Variants in RIC8B observed in about 807,000 individuals in gnomAD.
The protein encoded by RIC8B is RIC8 guanine nucleotide exchange factor B.
A neutral mutation model predicts 57.5 loss-of-function variants in RIC8B; 16 were observed. That is an observed-to-expected ratio of 0.28 (90% CI 0.19 to 0.42). The LOEUF (loss-of-function observed/expected upper bound fraction) is 0.42. Among genes scored for constraint, RIC8B ranks in the 10% least tolerant of loss-of-function variants. The pLI is 1.00. For missense variants in RIC8B, 481 were observed against 677.0 expected, an observed-to-expected ratio of 0.71 and a Z score of 3.21; for synonymous variants, 216 against 250.8, an observed-to-expected ratio of 0.86 and a Z score of 1.31.
chr12:106,822,995 A>G (rs1260731951), intron 3 of RIC8B: 1 of 153,558 alleles, frequency 6.5e-6, no homozygotes, highest in Non-Finnish European at 1.5e-5. Flanking sequence ...TGGGATTCTT[A>G]ATCTTGGCAT....
At chr12:106,860,545 G>T in intron 8 of RIC8B, 133 bp downstream of exon 8, 1 of 679,832 alleles carries the variant, frequency 1.5e-6, no homozygotes, top group Non-Finnish European at 2.3e-6. Context: ...TGTTTTTAGA[G>T]GCAGTTTCAT....
chr12:106,813,184 T>C (rs1203764580), intron 2 of RIC8B, among the ~76,000 whole-genome samples: 1 of 145,602 alleles, frequency 6.9e-6, no homozygotes, highest in East Asian at 2.0e-4. Flanking sequence ...GCAAATACTA[T>C]GCCTTTTTTT....
chr12:106,787,473 C>T (rs1299778028), intron 2 of RIC8B, among the ~76,000 whole-genome samples: 1 of 152,150 alleles, frequency 6.6e-6, no homozygotes, highest in Non-Finnish European at 1.5e-5. Flanking sequence ...AAAAGGAAGT[C>T]ACATTACTGC....
chr12:106,881,725 C>G (rs1228536397), intron 9 of RIC8B, among the ~76,000 whole-genome samples: 1 of 152,066 alleles, frequency 6.6e-6, no homozygotes, highest in African/African-American at 2.4e-5. Flanking sequence ...ATTTACCAAG[C>G]CTTTTAGGAG....
Position 106,843,847 on chromosome 12 carries a change from T to TA in RIC8B, c.1066-4dup. On this transcript the variant is annotated splice_region_variant and splice_polypyrimidine_tract_variant and intron_variant, in intron 5 of 9. Coordinates refer to ENST00000392837, the MANE Select transcript of RIC8B (RefSeq NM_001330145.2). ...TTCAAAAACATATGGTTTTTTTTTT[T>TA]ATAGGGAAGCAGCTATAGAGAGGGT... The TA allele has an allele frequency of 1.9e-6, 3 of 1,590,772 alleles. No homozygotes were observed. Among genetic ancestry groups the TA allele is most frequent in the South Asian group, 2.3e-5 (2 of 87,998 alleles).
At chr12:106,834,848 G>A (rs2046516262) in intron 4 of RIC8B, among the ~76,000 whole-genome samples, 1 of 151,746 alleles carries the variant, frequency 6.6e-6, no homozygotes, top group Non-Finnish European at 1.5e-5. Context: ...GCCAGGTGTG[G>A]TGGCGGGTGC....
At position 106,784,075 on chromosome 12, in the gene RIC8B, A is replaced by ATG. The variant is rs111989970; in HGVS notation, c.132+41_132+42dup. ...CCTTGGTGTTGCTCTGTGAATGTTTATGTGTGTGTGTATTGCATTCATGGA... is the reference window on the plus strand; with the variant it reads ...CCTTGGTGTTGCTCTGTGAATGTTTATGTGTGTGTGTGTATTGCATTCATGGA... On this transcript the variant is annotated intron_variant, in intron 2 of 9. Coordinates refer to ENST00000392837, the MANE Select transcript of RIC8B (RefSeq NM_001330145.2). 4,212 of 1,590,248 alleles carry ATG rather than the reference A, an allele frequency of 2.6e-3. 109 individuals are homozygous for ATG. In the African/African-American group the frequency reaches 0.048, roughly 18 times the overall value.
At position 106,886,030 on chromosome 12, in the gene RIC8B, C is replaced by G. The variant is rs915785758; in HGVS notation, c.*15C>G. 1 of 1,525,564 alleles carries G rather than the reference C, an allele frequency of 6.6e-7. No homozygotes were observed. The highest frequency in any genetic ancestry group is 9.1e-7 in the Non-Finnish European group (1 of 1,099,784). 94.5% of individuals were successfully genotyped at this position (1,525,564 alleles called of 1,614,324 possible). A position where few individuals can be genotyped will look rare whatever the true frequency, so the allele number is the denominator to read the frequency against. ...ACACAGACTAAAAGCATCACCTGCT[C>G]AACTCTCAATATTGCTTTATCAGCA... On this transcript the variant is annotated 3_prime_UTR_variant, in exon 10 of 10. Coordinates refer to ENST00000392837, the MANE Select transcript of RIC8B (RefSeq NM_001330145.2).
At chr12:106,794,985 A>G (rs921416413) in intron 2 of RIC8B, among the ~76,000 whole-genome samples, 2 of 152,226 alleles carry the variant, frequency 1.3e-5, no homozygotes, top group Non-Finnish European at 2.9e-5. Flanking sequence ...GAAATGTAAT[A>G]CACTTGCCAA....
At chr12:106,846,174 C>G (rs954421542) in intron 6 of RIC8B, among the ~76,000 whole-genome samples, 3 of 152,156 alleles carry the variant, frequency 2.0e-5, no homozygotes, top group Non-Finnish European at 2.9e-5. Flanking sequence ...ATACAGTGAA[C>G]TGCCGACTCA....
intron 4 of RIC8B, 93 bp from the exon 5 acceptor site, chr12:106,842,496 C>G: frequency 2.0e-6 from 2 of 1,007,090 alleles, no homozygotes; most frequent in Non-Finnish European, 2.9e-6. Context: ...TTAATTGACT[C>G]TTAAAAGTCA....
Position 106,814,846 on chromosome 12 carries a change from C to A in RIC8B, c.283C>A (p.Leu95Ile). 6.2e-7 allele frequency: 1 copy of A among 1,614,230 alleles called. No individual in the cohort carries two copies. Among genetic ancestry groups the A allele is most frequent in the Non-Finnish European group, 8.5e-7 (1 of 1,180,040 alleles). ...TKENMQILLRLAKLNELDDSL... is the reference protein window; with the variant it reads ...TKENMQILLRIAKLNELDDSL... ...GGAAAATATGCAGATACTGCTGCGA[C>A]TAGCCAAGCTAAATGAGTTAGATGA... Residue 95 changes from leucine to isoleucine, a missense_variant, in exon 3 of 10, where the codon CTA (leucine) becomes ATA (isoleucine). Leu to Ile is a conservative substitution (Grantham distance 5, BLOSUM62 2). Around this residue, in one of 3 missense-constraint regions of RIC8B, gnomAD observed 421 missense variants for 560.9 expected, o/e 0.75. Coordinates refer to ENST00000392837, the MANE Select transcript of RIC8B (RefSeq NM_001330145.2).
intron 4 of RIC8B, among the ~76,000 whole-genome samples, chr12:106,832,240 A>G (rs544907717): frequency 2.0e-5 from 3 of 152,238 alleles, no homozygotes; most frequent in Admixed American, 6.5e-5. Context: ...GGTACTTATC[A>G]CTAACTGAAA....
rs773775846 is a variant in RIC8B at position 106,774,912 on chromosome 12, C to T, written c.84+83C>T. 2.3e-5 allele frequency: 24 copies of T among 1,043,230 alleles called. 1 individual carries two copies. The South Asian group carries it at 2.9e-4, about 12-fold the overall frequency. 64.6% of individuals were successfully genotyped at this position (1,043,230 alleles called of 1,614,324 possible). On this transcript the variant is annotated intron_variant, in intron 1 of 9. Transcript: ENST00000392837. ...TGCACATCGCATCCTTCCCCACCCC[C>T]CTCATTCCGGGGATGCGCATTGCTC...
At chr12:106,837,662 CAGAG>C (rs1210226415) in intron 4 of RIC8B, among the ~76,000 whole-genome samples, 9 of 91,610 alleles carry the variant, frequency 9.8e-5, no homozygotes, top group African/African-American at 1.3e-4. Context: ...TTTTTTTTGA[CAGAG>C]AGTCTCACTG....
chr12:106,860,955 G>A (rs1949906769), intron 8 of RIC8B, among the ~76,000 whole-genome samples: 1 of 150,898 alleles, frequency 6.6e-6, no homozygotes, highest in Non-Finnish European at 1.5e-5. Context: ...ATACATTAGT[G>A]CAATGAGTAG....
chr12:106,842,838 G>T (rs757642594), intron 5 of RIC8B, 21 bp downstream of exon 5: 2 of 1,463,898 alleles, frequency 1.4e-6, no homozygotes, highest in Non-Finnish European at 1.9e-6. Context: ...TAAAATGGAA[G>T]CCCTGGGAAG....
intron 4 of RIC8B, among the ~76,000 whole-genome samples, chr12:106,832,489 C>A (rs1390920206): frequency 2.0e-5 from 3 of 151,720 alleles, no homozygotes; most frequent in African/African-American, 7.3e-5. Context: ...ATCGCTTGAA[C>A]CTGGGGGGCT....
chr12:106,791,456 G>T (rs750359871), intron 2 of RIC8B, among the ~76,000 whole-genome samples: 9 of 152,060 alleles, frequency 5.9e-5, no homozygotes, highest in Admixed American at 1.3e-4. Context: ...CTCTAAAATT[G>T]GCCTTCTTGA....
Sources: allele counts gnomAD v4.1 joint callset (sites outside exome capture counted in the v4.1 genomes callset), GRCh38; gene constraint gnomAD v4.1.1; regional missense constraint gnomAD v4.1.1; transcripts MANE v1.5; gene names NCBI Gene and HGNC (gene_info 2026-07-23, HGNC 2026-07-21).